FYB1: variants seen among roughly 807,000 people sequenced by gnomAD.
The protein encoded by FYB1 is FYN-binding protein 1.
FYB1 carries 41 observed loss-of-function variants against 94.1 expected under a neutral mutation model. That is an observed-to-expected ratio of 0.44 (90% CI 0.34 to 0.57). The LOEUF (loss-of-function observed/expected upper bound fraction) is 0.57, where lower values mean the gene tolerates loss of function less well. Ranked by LOEUF, FYB1 falls within the 20% of genes least tolerant of loss-of-function variation. The pLI, the probability that FYB1 is intolerant of heterozygous loss-of-function variation, is 0.02. For synonymous variants in FYB1, 367 were observed against 353.2 expected, an observed-to-expected ratio of 1.04 and a Z score of -0.44; for missense variants, 1,050 against 976.8, an observed-to-expected ratio of 1.07 and a Z score of -1.00.
chr5:39,150,816 A>G (rs768828582), intron 3 of FYB1, among the ~76,000 whole-genome samples: 19 of 152,150 alleles, frequency 1.2e-4, no homozygotes, highest in Non-Finnish European at 5.9e-5. Flanking sequence ...CATTTCTGTG[A>G]TATCTAACAG....
chr5:39,219,360 C>A (rs1750117685), intron 1 of FYB1, 83 bp downstream of exon 1: 2 of 853,222 alleles, frequency 2.3e-6, no homozygotes, highest in Non-Finnish European at 2.8e-6. Flanking sequence ...GTCTGTGCTG[C>A]CAGAATTTGG....
intron 3 of FYB1, among the ~76,000 whole-genome samples, chr5:39,148,183 A>T (rs1274718247): frequency 1.2e-5 from 1 of 85,868 alleles, no homozygotes; most frequent in African/African-American, 4.7e-5. Flanking sequence ...ATATATATAT[A>T]TATATATATA....
chr5:39,191,911 A>G (rs1171436573), intron 2 of FYB1, among the ~76,000 whole-genome samples: 1 of 152,222 alleles, frequency 6.6e-6, no homozygotes, highest in East Asian at 1.9e-4. Context: ...CTCTTTTGTT[A>G]AAGAAGTCAA....
intron 1 of FYB1, among the ~76,000 whole-genome samples, chr5:39,243,267 G>A (rs1280426438): frequency 1.3e-5 from 2 of 152,084 alleles, no homozygotes; most frequent in Admixed American, 1.3e-4. Flanking sequence ...GGTTTTTATG[G>A]TTTTAGGTCT....
At chr5:39,230,419 T>C (rs956459567) in intron 1 of FYB1, among the ~76,000 whole-genome samples, 6 of 152,098 alleles carry the variant, frequency 3.9e-5, no homozygotes, top group African/African-American at 1.4e-4. Flanking sequence ...GAAGCACAAC[T>C]CTGCCCACAC....
intron 1 of FYB1, among the ~76,000 whole-genome samples, chr5:39,269,053 CT>C (rs779472057): frequency 4.6e-5 from 7 of 151,862 alleles, no homozygotes; most frequent in East Asian, 3.9e-4. Context: ...CTTTTCTTTT[CT>C]TTTTTTCTTT....
intron 1 of FYB1, among the ~76,000 whole-genome samples, chr5:39,256,297 G>A (rs967703544): frequency 1.3e-5 from 2 of 152,178 alleles, no homozygotes; most frequent in Non-Finnish European, 2.9e-5. Context: ...CATTTCCCAG[G>A]AATGTGTTTG....
intron 2 of FYB1, among the ~76,000 whole-genome samples, chr5:39,166,262 C>T (rs954406766): frequency 2.0e-5 from 3 of 151,976 alleles, no homozygotes; most frequent in African/African-American, 7.2e-5. Context: ...CATGGTGAAA[C>T]CCCTTCTGTC....
At chr5:39,246,391 T>C (rs1751479368) in intron 1 of FYB1, among the ~76,000 whole-genome samples, 1 of 152,232 alleles carries the variant, frequency 6.6e-6, no homozygotes, top group Non-Finnish European at 1.5e-5. Flanking sequence ...TACTGTATGG[T>C]GTCAATTCAG....
intron 1 of FYB1, among the ~76,000 whole-genome samples, chr5:39,268,090 A>T: frequency 6.6e-6 from 1 of 152,340 alleles, no homozygotes; most frequent in Admixed American, 6.5e-5. Context: ...CATAAAGTAT[A>T]TAACACTTAT....
At chr5:39,217,981 T>C (rs1022693971) in intron 1 of FYB1, among the ~76,000 whole-genome samples, 13 of 152,166 alleles carry the variant, frequency 8.5e-5, no homozygotes, top group Non-Finnish European at 1.3e-4. Flanking sequence ...GTGTGATTGC[T>C]CTATGAAGCA....
chr5:39,268,618 G>C (rs1032172328), intron 1 of FYB1, among the ~76,000 whole-genome samples: 1 of 151,968 alleles, frequency 6.6e-6, no homozygotes, highest in African/African-American at 2.4e-5. Flanking sequence ...CCAGGCTGGA[G>C]TGCAATGGCG....
chr5:39,220,383 C>A (rs2150552398), upstream of FYB1, among the ~76,000 whole-genome samples: 1 of 147,494 alleles, frequency 6.8e-6, no homozygotes, highest in Admixed American at 6.8e-5. Context: ...CATTGCACTC[C>A]AGCCTGGGTA....
At chr5:39,251,660 ATACAATTAGAATCAGAGC>A (rs1376139898) in intron 1 of FYB1, among the ~76,000 whole-genome samples, 25 of 152,200 alleles carry the variant, frequency 1.6e-4, no homozygotes, top group Non-Finnish European at 1.6e-4. Flanking sequence ...AAACAGAAAA[ATACAATTAGAATCAGAGC>A]TAGGATTTAA....
chr5:39,240,671 C>T (rs1443974475), intron 1 of FYB1, among the ~76,000 whole-genome samples: 1 of 152,160 alleles, frequency 6.6e-6, no homozygotes, highest in Non-Finnish European at 1.5e-5. Context: ...CAAAAAATAA[C>T]AGATGCTGGC....
chr5:39,141,167 G>A, intron 3 of FYB1, 26 bp from the exon 4 acceptor site: 2 of 1,497,152 alleles, frequency 1.3e-6, no homozygotes, highest in Non-Finnish European at 1.8e-6. Context: ...AAGAAACAGT[G>A]AACATGGAAC....
chr5:39,143,156 C>A (rs897708760), intron 3 of FYB1, among the ~76,000 whole-genome samples: 1 of 152,064 alleles, frequency 6.6e-6, no homozygotes, highest in Non-Finnish European at 1.5e-5. Context: ...TCTGAGATTC[C>A]GATTCAAATA....
intron 1 of FYB1, among the ~76,000 whole-genome samples, chr5:39,217,046 T>A (rs1749924106): frequency 6.6e-6 from 1 of 152,198 alleles, no homozygotes; most frequent in South Asian, 2.1e-4. Flanking sequence ...ATTCCTTGAC[T>A]TCCAGAGCTT....
In FYB1 at chr5:39,126,053, T is replaced by C; in HGVS notation, c.1990A>G (p.Lys664Glu). The C allele has an allele frequency of 2.5e-6, 4 of 1,613,548 alleles. No individual in the cohort carries two copies. The highest frequency in any genetic ancestry group is 3.4e-6 in the Non-Finnish European group (4 of 1,179,652). Residue 664 changes from lysine (K) to glutamate (E), a missense_variant, in exon 12 of 19, where the codon AAA (lysine) becomes GAA (glutamate). By Grantham distance (56) the Lys-to-Glu change is moderately conservative. Transcript: ENST00000512982. ...KMLKGKDDRK[K>E]SIREKPKVSD... ...ACTTTAGGTTTCTCTCGTATACTTT[T>C]CTTTCTGTCATCTTTTCCCTTTAAC... is the stretch of plus-strand genomic sequence containing the variant.
Sources: gnomAD v4.1 joint callset for allele counts (sites outside exome capture counted in the v4.1 genomes callset) on GRCh38, gnomAD v4.1.1 for gene constraint, MANE v1.5 for transcripts, NCBI Gene and HGNC (gene_info 2026-07-23, HGNC 2026-07-21) for gene names.